CSMD1: variants seen among roughly 807,000 people sequenced by gnomAD.
CSMD1 encodes CUB and sushi domain-containing protein 1.
In CSMD1, 213 loss-of-function variants were observed where a neutral mutation model predicts 417.5. That is an observed-to-expected ratio of 0.51 (90% confidence interval 0.46 to 0.57). CSMD1 has a LOEUF of 0.57. Ranked by LOEUF, CSMD1 falls within the 20% of genes least tolerant of loss-of-function variation. The pLI is 0.00. For missense variants in CSMD1, 6,923 were observed against 4,529.7 expected, an observed-to-expected ratio of 1.53 and a Z score of -15.17; for synonymous variants, 2,862 against 1,736.8, an observed-to-expected ratio of 1.65 and a Z score of -16.11.
At position 3,223,732 on chromosome 8, in the gene CSMD1, T is replaced by C; in HGVS notation, c.4481A>G (p.Lys1494Arg). The change falls in exon 28 of 70, where the codon AAA (lysine) becomes AGA (arginine). Residue 1494 changes from lysine (K) to arginine (R), a missense_variant. By Grantham distance (26) the Lys-to-Arg change is conservative (BLOSUM62 2). Coordinates refer to ENST00000635120, the MANE Select transcript of CSMD1 (RefSeq NM_033225.6). ...NPDFVIALIF[K>R]SFNMEPSYDF... The stretch of plus-strand genomic sequence containing the variant: ...GGTATTCTGCAAGAGACGGTACCTT[T>C]TGAATATCAAGGCGATGACAAAGTC... 2 of 1,613,882 alleles carry C rather than the reference T, an allele frequency of 1.2e-6. No individual in the cohort carries two copies. Among genetic ancestry groups the C allele is most frequent in the East Asian group, 2.2e-5 (1 of 44,886 alleles).
intron 1 of CSMD1, among the ~76,000 whole-genome samples, chr8:4,834,811 G>C (rs1328150529): frequency 2.0e-5 from 3 of 151,502 alleles, no homozygotes; most frequent in Non-Finnish European, 1.5e-5. Flanking sequence ...AAAAAAATTA[G>C]CCGGGCGTGG....
At chr8:4,895,062 T>C (rs540295139) in intron 1 of CSMD1, among the ~76,000 whole-genome samples, 1 of 152,206 alleles carries the variant, frequency 6.6e-6, no homozygotes, top group Non-Finnish European at 1.5e-5. Flanking sequence ...TTTGTTTCTG[T>C]ACATTAAACA....
chr8:4,696,851 A>G (rs375079351), intron 1 of CSMD1, among the ~76,000 whole-genome samples: 7 of 152,238 alleles, frequency 4.6e-5, no homozygotes, highest in African/African-American at 1.7e-4. Context: ...AAGTAGTGAC[A>G]GAGCTGTAAA....
intron 3 of CSMD1, among the ~76,000 whole-genome samples, chr8:4,086,481 T>C (rs1000404440): frequency 3.3e-5 from 5 of 152,244 alleles, no homozygotes; most frequent in African/African-American, 9.6e-5. Context: ...GTTCTGACTG[T>C]ACATTCATGG....
chr8:3,047,502 A>T (rs1472523296), intron 50 of CSMD1, among the ~76,000 whole-genome samples: 1 of 152,100 alleles, frequency 6.6e-6, no homozygotes, highest in Non-Finnish European at 1.5e-5. Flanking sequence ...ACGCTCAGTG[A>T]GGGGTTGCGA....
chr8:3,802,411 C>T (rs1299836996), intron 5 of CSMD1, among the ~76,000 whole-genome samples: 4 of 152,108 alleles, frequency 2.6e-5, no homozygotes, highest in Admixed American at 1.3e-4. Context: ...CATTTTCAAA[C>T]AAACACTATT....
chr8:4,955,537 C>A (rs188116424), intron 1 of CSMD1, among the ~76,000 whole-genome samples: 13 of 152,034 alleles, frequency 8.6e-5, no homozygotes, highest in African/African-American at 2.7e-4. Flanking sequence ...CACACTGCAA[C>A]CTCCGCCTCC....
At chr8:3,272,621 T>C (rs1331170867) in intron 26 of CSMD1, among the ~76,000 whole-genome samples, 2 of 137,602 alleles carry the variant, frequency 1.5e-5, no homozygotes, top group African/African-American at 2.8e-5. Context: ...CAGTGGTTTG[T>C]AGTTCTCCTT....
intron 12 of CSMD1, among the ~76,000 whole-genome samples, chr8:3,440,904 A>G (rs376678151): frequency 1.0e-3 from 158 of 152,318 alleles, no homozygotes; most frequent in African/African-American, 3.7e-3. Flanking sequence ...CCCGATAACG[A>G]CATGTCCACT....
At chr8:3,246,145 C>A (rs1382863280) in intron 26 of CSMD1, among the ~76,000 whole-genome samples, 1 of 152,028 alleles carries the variant, frequency 6.6e-6, no homozygotes, top group East Asian at 1.9e-4. Context: ...ATTTAAAAAC[C>A]CTTGAGTGGA....
Position 3,529,214 on chromosome 8 carries a change from G to A in CSMD1, c.1345-35488C>T, listed in dbSNP as rs188810939. On this transcript the variant is annotated intron_variant, in intron 10 of 69. Transcript: ENST00000635120. ...AATCAGACTACCAAAGTCAAGAGTTGTGTTATTAAAATGCAAAATGCCAGT... is the reference window on the plus strand; with the variant it reads ...AATCAGACTACCAAAGTCAAGAGTTATGTTATTAAAATGCAAAATGCCAGT... 6.9e-3 allele frequency among the ~76,000 whole-genome samples: 1,054 copies of A among 152,258 alleles called. 6 individuals are homozygous for A. Among genetic ancestry groups the A allele is most frequent in the Non-Finnish European group, 0.01 (687 of 68,016 alleles).
intron 3 of CSMD1, among the ~76,000 whole-genome samples, chr8:4,389,343 A>G (rs1803688816): frequency 6.6e-6 from 1 of 152,156 alleles, no homozygotes; most frequent in Non-Finnish European, 1.5e-5. Flanking sequence ...GGTGAGTGTA[A>G]AGAGCTGATA....
chr8:3,680,459 C>A lies in CSMD1; in HGVS notation c.1009+27955G>T, dbSNP rs537106958. Among the ~76,000 whole-genome samples, 8 of 152,282 alleles carry A rather than the reference C, an allele frequency of 5.3e-5. No homozygotes were observed. The South Asian group carries it at 1.7e-3, about 32-fold the overall frequency. On this transcript the variant is annotated intron_variant, in intron 7 of 69. Coordinates refer to ENST00000635120, the MANE Select transcript of CSMD1 (RefSeq NM_033225.6). ...TACAAGAAACAGAGAAATTCCTTGA[C>A]ACATACACCCTCCCAAGACTAAACC...
At chr8:4,525,635 G>T (rs767616374) in intron 2 of CSMD1, among the ~76,000 whole-genome samples, 10 of 152,110 alleles carry the variant, frequency 6.6e-5, no homozygotes, top group Middle Eastern at 3.4e-3. Flanking sequence ...AGCGGTTTTT[G>T]TCATTACTTT....
rs560646419 is a variant in CSMD1 at position 3,351,522 on chromosome 8, A to G, written c.3305-3361T>C. ...GCTACTTCGGAGGCTGCTTGAACCCAGGAAGCAGAAGTTACAGTGAGCCGA... is the reference window on the plus strand; with the variant it reads ...GCTACTTCGGAGGCTGCTTGAACCCGGGAAGCAGAAGTTACAGTGAGCCGA... On this transcript the variant is annotated intron_variant, in intron 21 of 69. Transcript: ENST00000635120. Among the ~76,000 whole-genome samples the G allele has an allele frequency of 2.6e-5, 4 of 151,504 alleles. No individual in the cohort carries two copies. The South Asian group carries it at 6.3e-4, about 24-fold the overall frequency.
intron 47 of CSMD1, 31 bp from the exon 48 acceptor site, chr8:3,091,693 G>C: frequency 3.8e-6 from 6 of 1,592,504 alleles, no homozygotes; most frequent in Non-Finnish European, 5.1e-6. Context: ...AAAACATTCA[G>C]AGATGAGTGA....
intron 12 of CSMD1, among the ~76,000 whole-genome samples, chr8:3,443,397 G>GA (rs1164747101): frequency 2.0e-5 from 3 of 151,854 alleles, no homozygotes; most frequent in Non-Finnish European, 4.4e-5. Flanking sequence ...TCATTAGATA[G>GA]AAAAAAAATA....
In CSMD1 at chr8:3,639,227, G is replaced by C. The variant is rs113529048; in HGVS notation, c.1010-22430C>G. Among the ~76,000 whole-genome samples the C allele has an allele frequency of 6.1e-3, 927 of 152,260 alleles. 8 individuals carry two copies. Among genetic ancestry groups the C allele is most frequent in the African/African-American group, 0.021 (878 of 41,542 alleles). ...CACAGGCCTTGAGGTCTCTCTGTTG[G>C]ACTAGTCCATTGACAATGAAATTTC... On this transcript the variant is annotated intron_variant, in intron 7 of 69. Transcript: ENST00000635120.
chr8:4,390,357 C>T (rs1803758763), intron 3 of CSMD1, among the ~76,000 whole-genome samples: 1 of 152,230 alleles, frequency 6.6e-6, no homozygotes, highest in Admixed American at 6.5e-5. Flanking sequence ...AATAATACCA[C>T]ATTCCAAGCC....
Sources: allele counts gnomAD v4.1 joint callset (sites outside exome capture counted in the v4.1 genomes callset), GRCh38; gene constraint gnomAD v4.1.1; transcripts MANE v1.5; gene names NCBI Gene and HGNC (gene_info 2026-07-23, HGNC 2026-07-21).